Variants in ANKRD13B observed in about 807,000 individuals in gnomAD.
ANKRD13B encodes the protein ankyrin repeat domain-containing protein 13B.
A neutral mutation model predicts 74.4 loss-of-function variants in ANKRD13B; 33 were observed. That is an observed-to-expected ratio of 0.44 (90% CI 0.34 to 0.59). ANKRD13B has a LOEUF of 0.59. ANKRD13B is among the 20% of genes least tolerant of loss of function. ANKRD13B has a pLI of 0.02. For missense variants in ANKRD13B, 676 were observed against 877.9 expected (o/e 0.77, Z 2.91); for synonymous variants, 341 against 362.9 (o/e 0.94, Z 0.68).
In ANKRD13B at chr17:29,612,340, TGGGGCTGAGGCTGAGGTGTGA is replaced by T. The variant is rs1290449718; in HGVS notation, c.1259-52_1259-32del. ...GACCGGGGTTTAGATGAGGTCGGGG[TGGGGCTGAGGCTGAGGTGTGA>T]GGGGCTGAGTGGTGGCGCCTAAAGG... On this transcript the variant is annotated intron_variant, in intron 11 of 14. Coordinates refer to ENST00000394859, the MANE Select transcript of ANKRD13B (RefSeq NM_152345.5). The surrounding 1 kb of genome is among the most constrained non-coding windows in gnomAD (Gnocchi z 6.1). The T allele has an allele frequency of 1.9e-6, 3 of 1,610,826 alleles. No individual in the cohort carries two copies. Among genetic ancestry groups the T allele is most frequent in the African/African-American group, 2.7e-5 (2 of 74,762 alleles).
rs751257805 is a variant in ANKRD13B at position 29,612,239 on chromosome 17, C to A, written c.1224C>A (p.Thr408=). 8.1e-6 allele frequency: 13 copies of A among 1,614,010 alleles called. No individual in the cohort carries two copies. Among genetic ancestry groups the A allele is most frequent in the Non-Finnish European group, 4.2e-6 (5 of 1,180,036 alleles). The part of the protein sequence containing the change: ...ALFAKLRDFI[T]LRLPPGFPVK... ...TTGCCAAGCTCCGGGACTTCATCACCCTGCGTCTGCCTCCTGGCTTCCCAG... is the reference window on the plus strand; with the variant it reads ...TTGCCAAGCTCCGGGACTTCATCACACTGCGTCTGCCTCCTGGCTTCCCAG... The change falls in exon 11 of 15, where the codon ACC becomes ACA. Residue 408 remains threonine (T), a synonymous_variant. Transcript: ENST00000394859. This position sits in a 1 kb window ranked among gnomAD's most constrained non-coding sequence, Gnocchi z 6.1.
At position 29,612,116 on chromosome 17, in the gene ANKRD13B, G is replaced by A; in HGVS notation, c.1101G>A (p.Lys367=). ...RPMELTTKTQ[K]FKAKLWLCEE... ...ACCCCTTGGGATCTGGTGGGGGCAG[G>A]TTCAAGGCCAAGCTGTGGCTGTGTG... The change falls in exon 11 of 15, where the codon AAG becomes AAA. Residue 367 remains lysine (K), a splice_region_variant and synonymous_variant. Coordinates refer to ENST00000394859, the MANE Select transcript of ANKRD13B (RefSeq NM_152345.5). This position sits in a 1 kb window ranked among gnomAD's most constrained non-coding sequence, Gnocchi z 6.1. 6.2e-7 allele frequency: 1 copy of A among 1,614,030 alleles called. No homozygotes were observed. Among genetic ancestry groups the A allele is most frequent in the Non-Finnish European group, 8.5e-7 (1 of 1,179,958 alleles).
At chr17:29,606,470 A>G (rs931112436) in intron 1 of ANKRD13B, among the ~76,000 whole-genome samples, 2 of 151,918 alleles carry the variant, frequency 1.3e-5, no homozygotes, top group Non-Finnish European at 2.9e-5. Context: ...AGGCACAAGA[A>G]TCGCTTGAAC....
rs774825448 is a variant in ANKRD13B, at chr17:29,609,071, T to C, written c.566-15T>C. 1 of 1,611,422 alleles carries C rather than the reference T, an allele frequency of 6.2e-7. No homozygotes were observed. Among genetic ancestry groups the C allele is most frequent in the Non-Finnish European group, 8.5e-7 (1 of 1,179,580 alleles). On this transcript the variant is annotated splice_polypyrimidine_tract_variant and intron_variant, in intron 5 of 14. Transcript: ENST00000394859. This position sits in a 1 kb window ranked among gnomAD's most constrained non-coding sequence, Gnocchi z 4.0. ...GGCCACCCCTGATCCCCCTGTGCTG[T>C]TCCGTGTCTGGCAGACACAAGCGCC...
Position 29,608,147 on chromosome 17 carries a change from G to A in ANKRD13B, c.375+37G>A. Reference sequence around the variant, plus strand: ...CCTCTCAGCCTCCACGGGAGCCCTTGAGCCCTTCTCCAGTGCAGACTTAGC... The same window carrying A: ...CCTCTCAGCCTCCACGGGAGCCCTTAAGCCCTTCTCCAGTGCAGACTTAGC... On this transcript the variant is annotated intron_variant, in intron 3 of 14. Transcript: ENST00000394859. This position sits in a 1 kb window ranked among gnomAD's most constrained non-coding sequence, Gnocchi z 6.4. The A allele has an allele frequency of 6.2e-7, 1 of 1,614,016 alleles. No individual in the cohort carries two copies. Among genetic ancestry groups the A allele is most frequent in the Non-Finnish European group, 8.5e-7 (1 of 1,179,908 alleles).
At chr17:29,593,896 T>G in intron 1 of ANKRD13B, 161 bp downstream of exon 1, 3 of 203,802 alleles carry the variant, frequency 1.5e-5, no homozygotes, top group Non-Finnish European at 1.5e-5. Context: ...GAAAGGGTGA[T>G]CCCCTCCGGC....
chr17:29,605,191 C>G (rs945235059), intron 1 of ANKRD13B, among the ~76,000 whole-genome samples: 2 of 152,038 alleles, frequency 1.3e-5, no homozygotes, highest in Non-Finnish European at 2.9e-5. Flanking sequence ...TCCCTGAATC[C>G]TGTCTCCATC....
intron 14 of ANKRD13B, 32 bp from the exon 15 acceptor site, chr17:29,613,322 G>C: frequency 7.1e-7 from 1 of 1,399,666 alleles, no homozygotes; most frequent in East Asian, 3.0e-5. Flanking sequence ...GGGTGCGCCC[G>C]GGAGCCCGCG....
chr17:29,597,808 G>T (rs1035950892), intron 1 of ANKRD13B, among the ~76,000 whole-genome samples: 2 of 152,076 alleles, frequency 1.3e-5, no homozygotes, highest in Non-Finnish European at 2.9e-5. Flanking sequence ...AGCCATCCAG[G>T]CCTCCCTGGG....
At chr17:29,594,165 C>A (rs951185479) in intron 1 of ANKRD13B, 1 of 152,536 alleles carries the variant, frequency 6.6e-6, no homozygotes, top group Non-Finnish European at 1.5e-5. Flanking sequence ...CCCAGGCACC[C>A]CAGCCCCACC....
chr17:29,603,488 T>A (rs2034253992), intron 1 of ANKRD13B, among the ~76,000 whole-genome samples: 1 of 151,724 alleles, frequency 6.6e-6, no homozygotes, highest in Non-Finnish European at 1.5e-5. Flanking sequence ...CTTAAACTCC[T>A]GAACTCAAGC....
chr17:29,612,541 C>A lies in ANKRD13B; in HGVS notation c.1398C>A (p.Ser466Arg). ...GCAGCGACTCCTCCAGCGTCAGCAG[C>A]TCCAGCTCCACGAGTGAGGCCCCCC... ...SPGSDSSSVS[S>R]SSSTTSCRGC... The change falls in exon 12 of 15, where the codon AGC (serine) becomes AGA (arginine). Residue 466 changes from serine (S) to arginine (R), a missense_variant. Transcript: ENST00000394859. This position sits in a 1 kb window ranked among gnomAD's most constrained non-coding sequence, Gnocchi z 6.1. 6.4e-7 allele frequency: 1 copy of A among 1,561,320 alleles called. No individual in the cohort carries two copies. Among genetic ancestry groups the A allele is most frequent in the East Asian group, 2.4e-5 (1 of 41,848 alleles).
intron 1 of ANKRD13B, among the ~76,000 whole-genome samples, chr17:29,599,920 G>A (rs1046093775): frequency 1.0e-4 from 11 of 109,708 alleles, no homozygotes; most frequent in Admixed American, 1.5e-4. Context: ...TCTGTCCCCC[G>A]CGCTAGAGTG....
intron 1 of ANKRD13B, among the ~76,000 whole-genome samples, chr17:29,600,655 C>A (rs1399879003): frequency 6.6e-6 from 1 of 152,148 alleles, no homozygotes; most frequent in Non-Finnish European, 1.5e-5. Context: ...TAACCAGCCT[C>A]CCTGCACTCA....
At chr17:29,603,240 ACAGATTAT>A (rs1235515420) in intron 1 of ANKRD13B, among the ~76,000 whole-genome samples, 1 of 152,064 alleles carries the variant, frequency 6.6e-6, no homozygotes, top group Non-Finnish European at 1.5e-5. Flanking sequence ...ATAATGTCTT[ACAGATTAT>A]GAGGCTCCAT....
Position 29,613,484 on chromosome 17 carries a change from G to A in ANKRD13B, c.1783G>A (p.Glu595Lys). ...CGACGAGCAGCTGCGGCTGGCGATGGAACTGTCGGCGCAGGAGCAGGAGGA... is the reference window on the plus strand; with the variant it reads ...CGACGAGCAGCTGCGGCTGGCGATGAAACTGTCGGCGCAGGAGCAGGAGGA... ...SYDEQLRLAM[E>K]LSAQEQEERR... is the part of the protein sequence containing the mutation. Residue 595 changes from glutamate to lysine, a missense_variant, in exon 15 of 15, where the codon GAA becomes AAA. By Grantham distance (56) the Glu-to-Lys change is moderately conservative (BLOSUM62 1). This residue lies in a region of ANKRD13B where 108 missense variants were observed against 90.3 expected (regional missense o/e 1.20). Coordinates refer to ENST00000394859, the MANE Select transcript of ANKRD13B (RefSeq NM_152345.5). 6.5e-7 allele frequency: 1 copy of A among 1,533,040 alleles called. No individual in the cohort carries two copies. Among genetic ancestry groups the A allele is most frequent in the Non-Finnish European group, 8.8e-7 (1 of 1,141,814 alleles). The allele number at this position is 1,533,040 out of a possible 1,614,324, so 95.0% of individuals were successfully genotyped here.
At chr17:29,595,712 G>T (rs529446074) in intron 1 of ANKRD13B, among the ~76,000 whole-genome samples, 7 of 152,266 alleles carry the variant, frequency 4.6e-5, no homozygotes, top group South Asian at 2.1e-4. Flanking sequence ...CCTTGAAATG[G>T]ACACTGCCTG....
chr17:29,612,564 C>T lies in ANKRD13B; in HGVS notation c.1411+10C>T, dbSNP rs2034623150. Reference sequence around the variant, plus strand: ...AGCTCCAGCTCCACGAGTGAGGCCCCCCGCGAGAACGCCTGCCCCTCGGCT... The same window carrying T: ...AGCTCCAGCTCCACGAGTGAGGCCCTCCGCGAGAACGCCTGCCCCTCGGCT... On this transcript the variant is annotated intron_variant, in intron 12 of 14. Transcript: ENST00000394859. The surrounding 1 kb of genome is among the most constrained non-coding windows in gnomAD (Gnocchi z 6.1). The T allele has an allele frequency of 6.5e-7, 1 of 1,546,208 alleles. No homozygotes were observed. Among genetic ancestry groups the T allele is most frequent in the Non-Finnish European group, 8.7e-7 (1 of 1,146,322 alleles).
At chr17:29,593,798 A>G (rs1185700583) in intron 1 of ANKRD13B, 63 bp downstream of exon 1, 3 of 1,021,628 alleles carry the variant, frequency 2.9e-6, no homozygotes, top group Non-Finnish European at 2.5e-6. Flanking sequence ...CGGCCTGGGG[A>G]GGGGGTGCGG....
Sources: gnomAD v4.1 joint callset for allele counts (sites outside exome capture counted in the v4.1 genomes callset) on GRCh38, gnomAD v4.1.1 for gene constraint, gnomAD v4.1.1 regional missense constraint, Gnocchi (gnomAD v3.1) non-coding constraint, MANE v1.5 for transcripts, NCBI Gene and HGNC (gene_info 2026-07-23, HGNC 2026-07-21) for gene names.